Variants in THSD7B observed in about 807,000 individuals in gnomAD.
THSD7B encodes the protein thrombospondin type 1 domain containing 7B, also known as thrombospondin type-1 domain-containing protein 7B.
Under a neutral mutation model 213.6 loss-of-function variants are expected in THSD7B, and 138 were observed. That is an observed-to-expected ratio of 0.65 (90% confidence interval 0.56 to 0.74). THSD7B has a LOEUF of 0.74. Among genes scored for constraint, THSD7B ranks in the 30% least tolerant of loss-of-function variants. THSD7B has a pLI of 0.00. For missense variants in THSD7B, 1,931 were observed against 1,991.5 expected, an observed-to-expected ratio of 0.97 and a Z score of 0.58; for synonymous variants, 742 against 687.0, an observed-to-expected ratio of 1.08 and a Z score of -1.25.
chr2:136,951,183 A>T (rs1685031656), intron 2 of THSD7B, among the ~76,000 whole-genome samples: 1 of 152,130 alleles, frequency 6.6e-6, no homozygotes, highest in Non-Finnish European at 1.5e-5. Flanking sequence ...TTACCTTGGG[A>T]TGAAGCATGC....
intron 15 of THSD7B, among the ~76,000 whole-genome samples, chr2:137,556,772 T>C (rs1208708505): frequency 6.6e-6 from 1 of 152,136 alleles, no homozygotes; most frequent in Non-Finnish European, 1.5e-5. Flanking sequence ...TCAAGACCCA[T>C]CAGTGTGCTG....
chr2:137,342,896 T>G (rs1206740961), intron 12 of THSD7B, among the ~76,000 whole-genome samples: 1 of 151,648 alleles, frequency 6.6e-6, no homozygotes, highest in Non-Finnish European at 1.5e-5. Context: ...GTAGTAATGG[T>G]GGATGGTCTT....
chr2:136,851,161 CTAACA>C (rs1683093190), intron 1 of THSD7B, among the ~76,000 whole-genome samples: 4 of 152,088 alleles, frequency 2.6e-5, no homozygotes, highest in African/African-American at 9.6e-5. Flanking sequence ...TGCTTGATAC[CTAACA>C]TATTCTTTTC....
intron 5 of THSD7B, among the ~76,000 whole-genome samples, chr2:137,124,929 CA>C (rs1385471929): frequency 3.3e-5 from 5 of 151,716 alleles, no homozygotes; most frequent in African/African-American, 9.7e-5. Flanking sequence ...CTGTAGTCAC[CA>C]TGAAGCACAA....
At chr2:136,927,181 G>GT (rs113157727) in intron 2 of THSD7B, among the ~76,000 whole-genome samples, 4,261 of 143,646 alleles carry the variant, frequency 0.03, 99 homozygotes, top group East Asian at 0.08. Flanking sequence ...CTTCTTGCCA[G>GT]TTTTTTTTTT....
intron 6 of THSD7B, among the ~76,000 whole-genome samples, chr2:137,162,840 A>G (rs975449076): frequency 6.6e-6 from 1 of 151,392 alleles, no homozygotes; most frequent in Non-Finnish European, 1.5e-5. Flanking sequence ...GCTCACCACA[A>G]CCTCTGCCTC....
intron 16 of THSD7B, among the ~76,000 whole-genome samples, chr2:137,566,238 C>CA (rs1281110128): frequency 6.6e-6 from 1 of 152,156 alleles, no homozygotes; most frequent in African/African-American, 2.4e-5. Flanking sequence ...TAGTGAATAA[C>CA]ATTTTTGTCC....
intron 12 of THSD7B, among the ~76,000 whole-genome samples, chr2:137,396,128 T>G (rs1391628770): frequency 1.4e-5 from 2 of 147,506 alleles, no homozygotes; most frequent in Admixed American, 6.8e-5. Context: ...CTGGATTCAT[T>G]AATTTTTTGA....
At chr2:137,248,681 A>T (rs141141873) in intron 10 of THSD7B, among the ~76,000 whole-genome samples, 261 of 152,210 alleles carry the variant, frequency 1.7e-3, no homozygotes, top group African/African-American at 6.2e-3. Flanking sequence ...TCACAGAACC[A>T]TCCACACCTT....
chr2:137,659,888 C>A, intron 25 of THSD7B, 142 bp downstream of exon 25: 1 of 643,360 alleles, frequency 1.6e-6, no homozygotes, highest in Non-Finnish European at 2.5e-6. Flanking sequence ...CAGGAGTAAT[C>A]CCAGTTATAA....
chr2:137,343,156 T>A (rs2104910022), intron 12 of THSD7B, among the ~76,000 whole-genome samples: 1 of 151,768 alleles, frequency 6.6e-6, no homozygotes, highest in African/African-American at 2.4e-5. Flanking sequence ...TTTGTGTTTT[T>A]TTGTTGTTTT....
intron 17 of THSD7B, among the ~76,000 whole-genome samples, chr2:137,572,777 C>T (rs2105235193): frequency 6.6e-6 from 1 of 152,216 alleles, no homozygotes; most frequent in South Asian, 2.1e-4. Flanking sequence ...GCCTTTATCA[C>T]AGTTACATGA....
At chr2:137,554,522 A>G (rs1449333907) in intron 15 of THSD7B, among the ~76,000 whole-genome samples, 2 of 152,154 alleles carry the variant, frequency 1.3e-5, no homozygotes, top group East Asian at 3.8e-4. Context: ...TTTGGGACTA[A>G]GGTGAGATAA....
At chr2:137,140,379 A>G (rs1342045096) in intron 5 of THSD7B, among the ~76,000 whole-genome samples, 1 of 152,140 alleles carries the variant, frequency 6.6e-6, no homozygotes, top group Non-Finnish European at 1.5e-5. Context: ...GCTATCCTCA[A>G]ATAATGTTGA....
intron 15 of THSD7B, among the ~76,000 whole-genome samples, chr2:137,553,088 A>T (rs1680882008): frequency 6.6e-6 from 1 of 152,182 alleles, no homozygotes; most frequent in Non-Finnish European, 1.5e-5. Flanking sequence ...TTCCCCTAAC[A>T]TTCCAATGAA....
chr2:137,608,714 A>G (rs1682234000), intron 17 of THSD7B, among the ~76,000 whole-genome samples: 1 of 152,136 alleles, frequency 6.6e-6, no homozygotes, highest in African/African-American at 2.4e-5. Flanking sequence ...CCTCACTATT[A>G]TCCATTTATT....
At chr2:137,196,327 A>G (rs906961372) in intron 7 of THSD7B, among the ~76,000 whole-genome samples, 5 of 151,196 alleles carry the variant, frequency 3.3e-5, no homozygotes, top group African/African-American at 9.7e-5. Context: ...GATACACAAT[A>G]ACCTTTTAAT....
intron 10 of THSD7B, among the ~76,000 whole-genome samples, chr2:137,245,597 A>C (rs1682011305): frequency 6.6e-6 from 1 of 152,054 alleles, no homozygotes; most frequent in Non-Finnish European, 1.5e-5. Flanking sequence ...CATCCCCTTA[A>C]ATTATCTTTT....
At chr2:137,342,025 T>A (rs1348018049) in intron 12 of THSD7B, among the ~76,000 whole-genome samples, 3 of 151,690 alleles carry the variant, frequency 2.0e-5, no homozygotes, top group African/African-American at 7.2e-5. Flanking sequence ...TATGCCTATA[T>A]GAAATGACAT....
Sources: allele counts gnomAD v4.1 joint callset (sites outside exome capture counted in the v4.1 genomes callset), GRCh38; gene constraint gnomAD v4.1.1; transcripts MANE v1.5; gene names NCBI Gene and HGNC (gene_info 2026-07-23, HGNC 2026-07-21).